Variants in CADM2 observed in about 807,000 individuals in gnomAD.
CADM2 encodes immunoglobulin superfamily member 4D.
In CADM2, 12 loss-of-function variants were observed where a neutral mutation model predicts 49.8. That is an observed-to-expected ratio of 0.24 (90% CI 0.15 to 0.39). The LOEUF (loss-of-function observed/expected upper bound fraction) is 0.39, where lower values mean the gene tolerates loss of function less well. Among genes scored for constraint, CADM2 ranks in the 10% least tolerant of loss-of-function variants. The probability of loss-of-function intolerance (pLI) is 1.00; values close to 1 mark genes in which losing one functional copy is unlikely to be tolerated. For missense variants in CADM2, 378 were observed against 492.3 expected (o/e 0.77, Z 2.20); for synonymous variants, 214 against 175.4 (o/e 1.22, Z -1.74).
chr3:85,641,775 A>C (rs1287704045), intron 1 of CADM2, among the ~76,000 whole-genome samples: 6 of 151,676 alleles, frequency 4.0e-5, no homozygotes, highest in Admixed American at 2.6e-4. Context: ...AAATACAAAA[A>C]AAAAAAATAG....
chr3:85,802,120 G>A lies in CADM2; in HGVS notation c.162G>A (p.Arg54=), dbSNP rs146842915. The change falls in exon 3 of 10, where the codon AGG becomes AGA. Residue 54 remains arginine, a synonymous_variant. Coordinates refer to ENST00000383699, the MANE Select transcript of CADM2 (RefSeq NM_001167675.2). ...GTGGAACTGCAATTTTGACCTGCAGGGTTGATCAAAATGATAACACCTCCC... is the reference window on the plus strand; with the variant it reads ...GTGGAACTGCAATTTTGACCTGCAGAGTTGATCAAAATGATAACACCTCCC... The part of the protein sequence containing the change: ...VEGGTAILTC[R]VDQNDNTSLQ... 3 of 1,613,080 alleles carry A rather than the reference G, an allele frequency of 1.9e-6. No homozygotes were observed. The African/African-American group carries it at 4.0e-5, about 22-fold the overall frequency.
At position 85,864,989 on chromosome 3, in the gene CADM2, G is replaced by C. The variant is rs528782984; in HGVS notation, c.239-18302G>C. Reference sequence around the variant, plus strand: ...TCTCTCTAGTCACTTAACTCCCTGGGCTCCCAGCCCAGAACCACTTTTTAA... The same window carrying C: ...TCTCTCTAGTCACTTAACTCCCTGGCCTCCCAGCCCAGAACCACTTTTTAA... On this transcript the variant is annotated intron_variant, in intron 3 of 9. Coordinates refer to ENST00000383699, the MANE Select transcript of CADM2 (RefSeq NM_001167675.2). Among the ~76,000 whole-genome samples the C allele has an allele frequency of 2.8e-4, 42 of 152,156 alleles. No individual in the cohort carries two copies. The East Asian group carries it at 6.4e-3, about 23-fold the overall frequency.
intron 1 of CADM2, among the ~76,000 whole-genome samples, chr3:85,393,072 G>A (rs2034596475): frequency 8.0e-6 from 1 of 125,654 alleles, no homozygotes; most frequent in African/African-American, 2.8e-5. Context: ...AAAACCTGGA[G>A]GCAAAAGTAA....
chr3:85,293,932 TG>T (rs2043876653), intron 1 of CADM2, among the ~76,000 whole-genome samples: 1 of 152,028 alleles, frequency 6.6e-6, no homozygotes, highest in African/African-American at 2.4e-5. Flanking sequence ...TTGGAAGTTC[TG>T]GCCAGGGCAA....
intron 1 of CADM2, among the ~76,000 whole-genome samples, chr3:85,285,858 A>G (rs974147769): frequency 2.0e-5 from 3 of 152,012 alleles, no homozygotes; most frequent in Non-Finnish European, 4.4e-5. Context: ...GGAGAACTCT[A>G]TGTAGTGACT....
intron 1 of CADM2, among the ~76,000 whole-genome samples, chr3:84,967,288 C>T (rs531301656): frequency 5.3e-5 from 8 of 152,048 alleles, no homozygotes; most frequent in Non-Finnish European, 1.2e-4. Context: ...CTTATTTAAA[C>T]ATCAAGGCCT....
At chr3:85,461,639 A>C (rs1322296477) in intron 1 of CADM2, among the ~76,000 whole-genome samples, 2 of 137,328 alleles carry the variant, frequency 1.5e-5, no homozygotes, top group African/African-American at 5.0e-5. Context: ...TCAAGTTCTT[A>C]CTGCCTTTCA....
chr3:85,842,617 T>C (rs2074689462), intron 3 of CADM2, among the ~76,000 whole-genome samples: 1 of 152,110 alleles, frequency 6.6e-6, no homozygotes. Context: ...CTTGGCAAGG[T>C]TAGGAAGCAG....
intron 1 of CADM2, among the ~76,000 whole-genome samples, chr3:85,655,255 A>G (rs1164084829): frequency 1.3e-5 from 2 of 151,990 alleles, no homozygotes; most frequent in East Asian, 1.9e-4. Context: ...CCCAGGTTCA[A>G]GTGATTCTCC....
intron 2 of CADM2, among the ~76,000 whole-genome samples, chr3:85,754,946 T>C (rs2069040064): frequency 6.6e-6 from 1 of 152,242 alleles, no homozygotes; most frequent in African/African-American, 2.4e-5. Context: ...AACGTATTGA[T>C]TTAAATTAAC....
At chr3:85,572,117 C>A (rs578198693) in intron 1 of CADM2, among the ~76,000 whole-genome samples, 1 of 151,924 alleles carries the variant, frequency 6.6e-6, no homozygotes, top group African/African-American at 2.4e-5. Flanking sequence ...ACCAACATGG[C>A]GAAACCCTGT....
intron 3 of CADM2, among the ~76,000 whole-genome samples, chr3:85,878,474 A>G (rs1275061029): frequency 3.9e-5 from 6 of 152,136 alleles, no homozygotes. Flanking sequence ...ATTGATTGAA[A>G]TATTTCAGAC....
At chr3:85,616,653 C>T (rs1221619750) in intron 1 of CADM2, among the ~76,000 whole-genome samples, 1 of 152,078 alleles carries the variant, frequency 6.6e-6, no homozygotes, top group African/African-American at 2.4e-5. Context: ...ACAACACTGT[C>T]TCAAAATAGC....
chr3:85,602,390 T>C (rs995751838), intron 1 of CADM2, among the ~76,000 whole-genome samples: 1 of 151,812 alleles, frequency 6.6e-6, no homozygotes, highest in Non-Finnish European at 1.5e-5. Context: ...ACGAAGTAAC[T>C]AAATATTGAC....
At chr3:85,804,021 A>G (rs1355666020) in intron 3 of CADM2, among the ~76,000 whole-genome samples, 1 of 152,130 alleles carries the variant, frequency 6.6e-6, no homozygotes, top group Admixed American at 6.6e-5. Context: ...TTTCTTTCCA[A>G]CAAATGAAGT....
intron 1 of CADM2, among the ~76,000 whole-genome samples, chr3:85,113,463 A>C (rs2038530726): frequency 6.6e-6 from 1 of 151,996 alleles, no homozygotes; most frequent in African/African-American, 2.4e-5. Flanking sequence ...AGTGTACAGA[A>C]TAAAGTTCCA....
intron 1 of CADM2, among the ~76,000 whole-genome samples, chr3:85,541,760 T>C (rs2061548715): frequency 4.1e-5 from 1 of 24,552 alleles, no homozygotes; most frequent in Non-Finnish European, 1.5e-4. Flanking sequence ...ATATTTTATA[T>C]ATATATTTTA....
intron 8 of CADM2, among the ~76,000 whole-genome samples, chr3:86,059,112 A>G (rs1217384699): frequency 6.6e-6 from 1 of 151,466 alleles, no homozygotes; most frequent in Non-Finnish European, 1.5e-5. Flanking sequence ...AAAAAAAAAA[A>G]ATTCCAACAC....
intron 2 of CADM2, among the ~76,000 whole-genome samples, chr3:85,744,159 G>T (rs925336175): frequency 5.9e-5 from 9 of 152,104 alleles, no homozygotes; most frequent in African/African-American, 2.2e-4. Context: ...ACTTAAACTG[G>T]AGTAATGGAA....
Sources: gnomAD v4.1 joint callset for allele counts (sites outside exome capture counted in the v4.1 genomes callset) on GRCh38, gnomAD v4.1.1 for gene constraint, MANE v1.5 for transcripts, NCBI Gene and HGNC (gene_info 2026-07-23, HGNC 2026-07-21) for gene names.